The following BNC2 variants were observed in gnomAD, a reference collection of about 807,000 sequenced individuals.
BNC2 encodes zinc finger protein basonuclin-2.
BNC2 carries 20 observed loss-of-function variants against 76.3 expected under a neutral mutation model. The ratio of observed to expected loss-of-function variants is 0.26; its 90% CI spans 0.18 to 0.38. The LOEUF (loss-of-function observed/expected upper bound fraction) is 0.38, where lower values mean the gene tolerates loss of function less well. Ranked by LOEUF, BNC2 falls within the 10% of genes least tolerant of loss-of-function variation. The probability of loss-of-function intolerance (pLI) is 1.00; values close to 1 mark genes in which losing one functional copy is unlikely to be tolerated. For synonymous variants in BNC2, 582 were observed against 514.8 expected, an observed-to-expected ratio of 1.13 and a Z score of -1.77; for missense variants, 1,382 against 1,399.8, an observed-to-expected ratio of 0.99 and a Z score of 0.20.
intron 5 of BNC2, among the ~76,000 whole-genome samples, chr9:16,519,428 C>T (rs1439087628): frequency 4.6e-5 from 7 of 152,164 alleles, no homozygotes; most frequent in South Asian, 2.1e-4. Flanking sequence ...ATAACCTCTT[C>T]GGATGTAGAG....
At chr9:16,507,362 C>A (rs1390754658) in intron 5 of BNC2, among the ~76,000 whole-genome samples, 1 of 141,904 alleles carries the variant, frequency 7.0e-6, no homozygotes, top group Non-Finnish European at 1.5e-5. Context: ...TGGGTTCAAA[C>A]GATTCTCCTG....
At chr9:16,724,809 T>C (rs1374697224) in intron 3 of BNC2, among the ~76,000 whole-genome samples, 1 of 152,104 alleles carries the variant, frequency 6.6e-6, no homozygotes, top group Non-Finnish European at 1.5e-5. Flanking sequence ...TCATGGACAT[T>C]TCCCACAATT....
At chr9:16,566,546 G>C (rs1819174048) in intron 4 of BNC2, among the ~76,000 whole-genome samples, 1 of 152,054 alleles carries the variant, frequency 6.6e-6, no homozygotes, top group South Asian at 2.1e-4. Flanking sequence ...AGTATTACTT[G>C]GGAGATTACA....
chr9:16,515,873 C>T (rs1025453138), intron 5 of BNC2, among the ~76,000 whole-genome samples: 2 of 150,050 alleles, frequency 1.3e-5, no homozygotes, highest in Non-Finnish European at 3.0e-5. Context: ...AGAAAAGAGG[C>T]ATCTGACAAT....
At chr9:16,559,365 G>C (rs1171621247) in intron 4 of BNC2, among the ~76,000 whole-genome samples, 1 of 152,064 alleles carries the variant, frequency 6.6e-6, no homozygotes, top group African/African-American at 2.4e-5. Flanking sequence ...TGTGGCCCAG[G>C]GAAGCCAAAA....
rs1483633265 is a variant in BNC2, at chr9:16,412,568, T to C, written c.*6421A>G. 6.6e-6 allele frequency: 1 copy of C among 152,630 alleles called. No homozygotes were observed. The highest frequency in any genetic ancestry group is 1.9e-4 in the East Asian group (1 of 5,198). 9.5% of individuals were successfully genotyped at this position (152,630 alleles called of 1,614,324 possible). On this transcript the variant is annotated 3_prime_UTR_variant, in exon 7 of 7. Transcript: ENST00000380672. ...GCCGTCACAGACAGCATCTCTCTAC[T>C]GACCCTTTATTTAAGAAGTCATCTT...
Position 16,706,374 on chromosome 9 carries a change from G to C in BNC2, c.330+21423C>G, listed in dbSNP as rs534985694. On this transcript the variant is annotated intron_variant, in intron 3 of 6. Transcript: ENST00000380672. The stretch of plus-strand genomic sequence containing the variant: ...CATAGGCAATTCTAAAAAGCACAAA[G>C]TCCCCTCTTTTTGCCCTGACCTTGA... Among the ~76,000 whole-genome samples, 54 of 152,260 alleles carry C rather than the reference G, an allele frequency of 3.5e-4. 1 individual carries two copies. Among genetic ancestry groups the C allele is most frequent in the African/African-American group, 1.1e-3 (47 of 41,538 alleles).
chr9:16,419,066 A>G lies in BNC2; in HGVS notation c.3223T>C (p.Ser1075Pro). ...TGCCGATTTCGGCTTCGTACAGAGG[A>G]AAACATCATATTGCAACCTGGGACT... ...CKVPGCNMMF[S>P]SVRSRNRHSQ... The change falls in exon 7 of 7, where the codon TCC becomes CCC. Residue 1075 changes from serine to proline, a missense_variant. Transcript: ENST00000380672. 6.2e-7 allele frequency: 1 copy of G among 1,614,124 alleles called. No individual in the cohort carries two copies. Among genetic ancestry groups the G allele is most frequent in the Non-Finnish European group, 8.5e-7 (1 of 1,180,028 alleles).
chr9:16,870,551 A>C, intron 1 of BNC2, 95 bp downstream of exon 1: 5 of 1,444,634 alleles, frequency 3.5e-6, no homozygotes, highest in Admixed American at 4.0e-5. Context: ...CGGAGGGCGG[A>C]CACGGCCCCC....
intron 1 of BNC2, among the ~76,000 whole-genome samples, chr9:16,827,557 C>A (rs1311076345): frequency 1.3e-5 from 2 of 152,054 alleles, no homozygotes; most frequent in Admixed American, 6.6e-5. Flanking sequence ...ATGAGTAATT[C>A]GATCAAAAAG....
At chr9:16,587,395 G>C in intron 3 of BNC2, among the ~76,000 whole-genome samples, 1 of 151,994 alleles carries the variant, frequency 6.6e-6, no homozygotes, top group East Asian at 1.9e-4. Context: ...CCTGAGCTAC[G>C]ATTCCATTCA....
At chr9:16,595,410 G>C (rs76393335) in intron 3 of BNC2, among the ~76,000 whole-genome samples, 1 of 152,124 alleles carries the variant, frequency 6.6e-6, no homozygotes, top group East Asian at 1.9e-4. Flanking sequence ...TTAGGTCATA[G>C]ATTCCCCAGG....
chr9:16,554,077 C>T (rs1818747305), intron 4 of BNC2, among the ~76,000 whole-genome samples: 2 of 152,150 alleles, frequency 1.3e-5, no homozygotes, highest in African/African-American at 2.4e-5. Context: ...CATAACTACA[C>T]CTAAGTTATG....
chr9:16,721,036 G>A (rs1006499287), intron 3 of BNC2, among the ~76,000 whole-genome samples: 4 of 152,094 alleles, frequency 2.6e-5, no homozygotes, highest in African/African-American at 4.8e-5. Flanking sequence ...TTTCCTATTC[G>A]TTAAACTTTC....
intron 3 of BNC2, among the ~76,000 whole-genome samples, chr9:16,627,829 G>A (rs1240551723): frequency 2.6e-5 from 4 of 152,232 alleles, no homozygotes; most frequent in Admixed American, 1.3e-4. Flanking sequence ...ATAATTTGGG[G>A]TTTAAACGGA....
chr9:16,810,900 T>C (rs1818031611), intron 1 of BNC2, among the ~76,000 whole-genome samples: 1 of 152,128 alleles, frequency 6.6e-6, no homozygotes. Context: ...CAAATTTTTT[T>C]TAAAAGGGGC....
chr9:16,865,741 C>T lies in BNC2; in HGVS notation c.3+4905G>A, dbSNP rs536782877. The stretch of plus-strand genomic sequence containing the variant: ...TATTTTTAAAGGAAAAAAGTTATGA[C>T]GATAGCAAAAACTTAAAGAATGATA... On this transcript the variant is annotated intron_variant, in intron 1 of 6. Transcript: ENST00000380672. Among the ~76,000 whole-genome samples the T allele has an allele frequency of 2.8e-4, 43 of 152,024 alleles. 1 individual carries two copies. Among genetic ancestry groups the T allele is most frequent in the Non-Finnish European group, 4.4e-4 (30 of 67,948 alleles).
At chr9:16,485,255 G>A (rs565764845) in intron 5 of BNC2, among the ~76,000 whole-genome samples, 1 of 152,164 alleles carries the variant, frequency 6.6e-6, no homozygotes, top group East Asian at 1.9e-4. Context: ...GTTCTGAATT[G>A]GAAAAAGAAG....
chr9:16,455,036 G>A (rs1407614832), intron 5 of BNC2, among the ~76,000 whole-genome samples: 3 of 152,162 alleles, frequency 2.0e-5, no homozygotes, highest in Admixed American at 2.0e-4. Context: ...AAAAAGAAAT[G>A]CAGGGACTAG....
Sources: allele counts gnomAD v4.1 joint callset (sites outside exome capture counted in the v4.1 genomes callset), GRCh38; gene constraint gnomAD v4.1.1; transcripts MANE v1.5; gene names NCBI Gene and HGNC (gene_info 2026-07-23, HGNC 2026-07-21).